The following ATRN variants were observed in gnomAD, a reference collection of about 807,000 sequenced individuals.
ATRN encodes attractin-2.
In ATRN, 54 loss-of-function variants were observed where a neutral mutation model predicts 178.7. The observed-to-expected ratio is 0.30, with a 90% confidence interval of 0.24 to 0.38. The LOEUF (loss-of-function observed/expected upper bound fraction) is 0.38. Among genes scored for constraint, ATRN ranks in the 10% least tolerant of loss-of-function variants. The pLI is 1.00. For synonymous variants in ATRN, 636 were observed against 663.0 expected (o/e 0.96, Z 0.63); for missense variants, 1,443 against 1,815.1 (o/e 0.79, Z 3.73).
chr20:3,606,437 A>ACT (rs10667434), intron 24 of ATRN, among the ~76,000 whole-genome samples: 126,536 of 152,008 alleles, frequency 0.83, 52,893 homozygotes, highest in East Asian at 1. Flanking sequence ...TTCTCTCTTC[A>ACT]CTGTTTCCTG....
rs754747226 is a variant in ATRN, at chr20:3,596,414, A to G, written c.3454A>G (p.Arg1152Gly). The change falls in exon 21 of 29, where the codon AGA becomes GGA. Residue 1152 changes from arginine (R) to glycine (G), a missense_variant. By Grantham distance (125) the Arg-to-Gly change is moderately radical (BLOSUM62 -2). Transcript: ENST00000262919. ...VENRYQGNPL[R>G]GTCYYTLLID... ...AAATCGATACCAAGGAAACCCTCTC[A>G]GAGGAACATGTTATTGTAAGTGGTT... The G allele has an allele frequency of 6.2e-7, 1 of 1,613,596 alleles. No individual in the cohort carries two copies. Among genetic ancestry groups the G allele is most frequent in the Non-Finnish European group, 8.5e-7 (1 of 1,179,634 alleles).
intron 23 of ATRN, 127 bp downstream of exon 23, chr20:3,601,151 T>C (rs2086602785): frequency 4.2e-6 from 3 of 707,618 alleles, no homozygotes. Context: ...ACTTACTAGC[T>C]ATGAGACCTT....
chr20:3,485,816 T>G (rs1246149609), intron 1 of ATRN, among the ~76,000 whole-genome samples: 2 of 151,784 alleles, frequency 1.3e-5, no homozygotes, highest in African/African-American at 4.8e-5. Flanking sequence ...GAGACGGGGT[T>G]TCACCATGTC....
intron 1 of ATRN, among the ~76,000 whole-genome samples, chr20:3,521,919 CT>C (rs1449488206): frequency 6.6e-6 from 1 of 151,852 alleles, no homozygotes; most frequent in Non-Finnish European, 1.5e-5. Flanking sequence ...GTAGCTGGGA[CT>C]ACAGGTACAC....
intron 1 of ATRN, among the ~76,000 whole-genome samples, chr20:3,526,137 A>G (rs1007723471): frequency 1.3e-5 from 2 of 152,232 alleles, no homozygotes; most frequent in Non-Finnish European, 2.9e-5. Context: ...ACATGATTGT[A>G]TATTTAGAAA....
chr20:3,538,817 C>T (rs1001116009), intron 2 of ATRN, among the ~76,000 whole-genome samples: 1 of 152,164 alleles, frequency 6.6e-6, no homozygotes, highest in African/African-American at 2.4e-5. Context: ...CCCTTGCCCA[C>T]CTCCCACTTC....
chr20:3,621,139 A>G (rs2086894361), intron 24 of ATRN, among the ~76,000 whole-genome samples: 2 of 152,130 alleles, frequency 1.3e-5, no homozygotes, highest in Admixed American at 1.3e-4. Context: ...AGGGAAGCAG[A>G]TCAATGGTGA....
chr20:3,567,731 G>C (rs2086056209), intron 11 of ATRN, among the ~76,000 whole-genome samples: 1 of 152,166 alleles, frequency 6.6e-6, no homozygotes, highest in African/African-American at 2.4e-5. Flanking sequence ...TTGAGGTTTT[G>C]AGGGAGGCAG....
chr20:3,472,067 G>A (rs2084437635), intron 1 of ATRN, among the ~76,000 whole-genome samples: 1 of 152,144 alleles, frequency 6.6e-6, no homozygotes, highest in African/African-American at 2.4e-5. Flanking sequence ...AAAGGAAAGT[G>A]AGGAAACTAG....
chr20:3,509,536 C>T (rs534558121), intron 1 of ATRN, among the ~76,000 whole-genome samples: 4 of 147,484 alleles, frequency 2.7e-5, no homozygotes, highest in East Asian at 1.9e-4. Flanking sequence ...CTTGCTCTGT[C>T]GCCCAGGCTG....
At chr20:3,492,168 AGTGTGTGTGTGT>A (rs58489496) in intron 1 of ATRN, among the ~76,000 whole-genome samples, 1 of 140,588 alleles carries the variant, frequency 7.1e-6, no homozygotes, top group African/African-American at 2.7e-5. Context: ...TAGATAGGGG[AGTGTGTGTGTGT>A]GTGTGTGTGT....
At chr20:3,642,609 C>T (rs1334170778) in intron 27 of ATRN, among the ~76,000 whole-genome samples, 1 of 152,176 alleles carries the variant, frequency 6.6e-6, no homozygotes, top group Non-Finnish European at 1.5e-5. Flanking sequence ...GCAGTTACTT[C>T]ATAACTGATC....
intron 1 of ATRN, among the ~76,000 whole-genome samples, chr20:3,533,097 G>A (rs1028128257): frequency 3.9e-5 from 6 of 152,190 alleles, no homozygotes; most frequent in Non-Finnish European, 8.8e-5. Context: ...GGGCTGCCAT[G>A]GGAAGGGCAT....
chr20:3,472,795 G>A (rs2084450732), intron 1 of ATRN, among the ~76,000 whole-genome samples: 1 of 152,168 alleles, frequency 6.6e-6, no homozygotes, highest in African/African-American at 2.4e-5. Flanking sequence ...AGGTTAAGTA[G>A]GATTTGGAAA....
chr20:3,577,027 G>T (rs1224048624), intron 14 of ATRN, 30 bp downstream of exon 14: 13 of 1,610,560 alleles, frequency 8.1e-6, no homozygotes, highest in Non-Finnish European at 1.0e-5. Flanking sequence ...CTTGGTGTGT[G>T]TGGGTCCATT....
At chr20:3,540,440 A>G (rs2085602259) in intron 3 of ATRN, 105 bp downstream of exon 3, 4 of 699,100 alleles carry the variant, frequency 5.7e-6, no homozygotes, top group Admixed American at 2.6e-5. Flanking sequence ...CACTTAACAC[A>G]TTTATTTAAT....
chr20:3,637,596 G>A (rs2087035219), intron 26 of ATRN, among the ~76,000 whole-genome samples: 1 of 152,132 alleles, frequency 6.6e-6, no homozygotes, highest in Non-Finnish European at 1.5e-5. Context: ...TGTATCCCAA[G>A]GCATAACCTC....
intron 1 of ATRN, among the ~76,000 whole-genome samples, chr20:3,483,746 T>C (rs979866377): frequency 6.6e-6 from 1 of 152,186 alleles, no homozygotes; most frequent in Non-Finnish European, 1.5e-5. Context: ...ATAACTGAAA[T>C]TCTTTTTACT....
chr20:3,478,922 T>C (rs1469782781), intron 1 of ATRN, among the ~76,000 whole-genome samples: 2 of 65,120 alleles, frequency 3.1e-5, no homozygotes, highest in Non-Finnish European at 4.1e-5. Flanking sequence ...ATTCATACCC[T>C]TTTTTTTTTT....
Sources: gnomAD v4.1 joint callset for allele counts (sites outside exome capture counted in the v4.1 genomes callset) on GRCh38, gnomAD v4.1.1 for gene constraint, MANE v1.5 for transcripts, NCBI Gene and HGNC (gene_info 2026-07-23, HGNC 2026-07-21) for gene names.